The following IKZF3 variants were observed in gnomAD, a reference collection of about 807,000 sequenced individuals.
The protein encoded by IKZF3 is IKAROS family zinc finger 3.
In IKZF3, 10 loss-of-function variants were observed where a neutral mutation model predicts 49.0. That is an observed-to-expected ratio of 0.20 (90% CI 0.13 to 0.35). The LOEUF is 0.35. IKZF3 is among the 10% of genes least tolerant of loss of function. The probability of loss-of-function intolerance (pLI) is 1.00; values close to 1 mark genes in which losing one functional copy is unlikely to be tolerated. For missense variants in IKZF3, 498 were observed against 664.8 expected (o/e 0.75, Z 2.76); for synonymous variants, 209 against 228.2 (o/e 0.92, Z 0.76).
At chr17:39,809,472 T>C (rs1230448890) in intron 3 of IKZF3, among the ~76,000 whole-genome samples, 1 of 152,252 alleles carries the variant, frequency 6.6e-6, no homozygotes, top group Non-Finnish European at 1.5e-5. Flanking sequence ...TAGGCCTGGC[T>C]CTGACATCTT....
At chr17:39,793,256 C>T (rs1211440315) in intron 3 of IKZF3, among the ~76,000 whole-genome samples, 1 of 152,152 alleles carries the variant, frequency 6.6e-6, no homozygotes. Flanking sequence ...TTCTCCAGTA[C>T]TAGGGGAGAG....
chr17:39,797,492 G>A (rs1279823010), intron 3 of IKZF3, among the ~76,000 whole-genome samples: 3 of 149,396 alleles, frequency 2.0e-5, no homozygotes, highest in African/African-American at 7.4e-5. Flanking sequence ...GTGCGATCTC[G>A]GCTCACTGCA....
intron 1 of IKZF3, among the ~76,000 whole-genome samples, chr17:39,860,043 C>T (rs2144594970): frequency 6.6e-6 from 1 of 152,184 alleles, no homozygotes. Context: ...ACCAACCTGA[C>T]CAACATAGTG....
chr17:39,829,000 CA>C (rs1364409128), intron 3 of IKZF3, among the ~76,000 whole-genome samples: 2 of 149,796 alleles, frequency 1.3e-5, no homozygotes, highest in East Asian at 3.9e-4. Flanking sequence ...AACTCCGTCT[CA>C]AAAAAAAATA....
At chr17:39,778,114 C>T (rs1282483945) in intron 6 of IKZF3, 2 of 1,007,656 alleles carry the variant, frequency 2.0e-6, no homozygotes, top group Non-Finnish European at 2.4e-6. Context: ...CTTTCTGATT[C>T]TGAGTAACTG....
At chr17:39,825,827 G>C (rs536461506) in intron 3 of IKZF3, among the ~76,000 whole-genome samples, 1 of 152,238 alleles carries the variant, frequency 6.6e-6, no homozygotes, top group Non-Finnish European at 1.5e-5. Flanking sequence ...AATGGGGAGA[G>C]CATTGCCCAG....
chr17:39,797,419 T>C (rs2061196199), intron 3 of IKZF3, among the ~76,000 whole-genome samples: 1 of 149,502 alleles, frequency 6.7e-6, no homozygotes, highest in African/African-American at 2.5e-5. Context: ...TGTCTTTTCT[T>C]TCTTTCTTTT....
intron 1 of IKZF3, among the ~76,000 whole-genome samples, chr17:39,850,753 A>G (rs1399603214): frequency 1.0e-5 from 1 of 99,294 alleles, no homozygotes; most frequent in Non-Finnish European, 1.9e-5. Flanking sequence ...TAGTATATAT[A>G]CTATATATTA....
intron 7 of IKZF3, among the ~76,000 whole-genome samples, chr17:39,774,437 C>T (rs886874099): frequency 2.0e-5 from 3 of 151,802 alleles, no homozygotes; most frequent in South Asian, 4.2e-4. Flanking sequence ...TGAGGTGAGG[C>T]GAGGCAAGGC....
chr17:39,822,907 A>G (rs546074608), intron 3 of IKZF3, among the ~76,000 whole-genome samples: 6 of 152,222 alleles, frequency 3.9e-5, no homozygotes, highest in Admixed American at 6.5e-5. Flanking sequence ...GCAGTGTGAG[A>G]GTGGACTAAT....
At chr17:39,801,193 G>A (rs537651793) in intron 3 of IKZF3, among the ~76,000 whole-genome samples, 1 of 152,200 alleles carries the variant, frequency 6.6e-6, no homozygotes, top group African/African-American at 2.4e-5. Context: ...AAGGATCGGG[G>A]GTCATAACCA....
chr17:39,808,878 T>C (rs1374289919), intron 3 of IKZF3, among the ~76,000 whole-genome samples: 1 of 152,168 alleles, frequency 6.6e-6, no homozygotes, highest in Non-Finnish European at 1.5e-5. Context: ...CATTAAGTAG[T>C]GTTTGTTCAA....
intron 3 of IKZF3, among the ~76,000 whole-genome samples, chr17:39,813,612 C>G (rs1406206813): frequency 6.6e-6 from 1 of 151,568 alleles, no homozygotes; most frequent in Non-Finnish European, 1.5e-5. Context: ...CCACTGCACT[C>G]CAGCCTGGGT....
intron 3 of IKZF3, among the ~76,000 whole-genome samples, chr17:39,816,149 C>T (rs2061673527): frequency 6.6e-6 from 1 of 152,060 alleles, no homozygotes; most frequent in African/African-American, 2.4e-5. Context: ...AAGGAGAAAA[C>T]CAACTAAATG....
At chr17:39,774,484 T>G (rs1002431645) in intron 7 of IKZF3, among the ~76,000 whole-genome samples, 4 of 152,154 alleles carry the variant, frequency 2.6e-5, no homozygotes, top group Non-Finnish European at 5.9e-5. Flanking sequence ...CCCCATGTTT[T>G]ACATCACTTC....
intron 1 of IKZF3, chr17:39,835,105 A>G: frequency 2.2e-6 from 1 of 446,562 alleles, no homozygotes; most frequent in African/African-American, 2.0e-5. Flanking sequence ...CCCAAGCCAT[A>G]GCTGAGGCCA....
chr17:39,850,464 T>G (rs2062790416), intron 1 of IKZF3, among the ~76,000 whole-genome samples: 1 of 133,702 alleles, frequency 7.5e-6, no homozygotes, highest in South Asian at 2.8e-4. Context: ...TAGCATATTA[T>G]ACATGTACAT....
intron 3 of IKZF3, among the ~76,000 whole-genome samples, chr17:39,808,578 T>C (rs1476036413): frequency 2.6e-5 from 4 of 152,250 alleles, no homozygotes; most frequent in African/African-American, 9.6e-5. Flanking sequence ...TTTACTAGGC[T>C]GTGGTTATTA....
intron 1 of IKZF3, among the ~76,000 whole-genome samples, chr17:39,857,980 G>A (rs945522320): frequency 2.0e-5 from 3 of 149,870 alleles, no homozygotes; most frequent in African/African-American, 7.5e-5. Flanking sequence ...AAAAAAAAGA[G>A]AGAGAGAGAG....
Sources: allele counts gnomAD v4.1 joint callset (sites outside exome capture counted in the v4.1 genomes callset), GRCh38; gene constraint gnomAD v4.1.1; transcripts MANE v1.5; gene names NCBI Gene and HGNC (gene_info 2026-07-23, HGNC 2026-07-21).